The following MYPN variants were observed in gnomAD, a reference collection of about 807,000 sequenced individuals.
MYPN encodes the protein myopalladin, also known as sarcomeric protein myopalladin, 145 kDa (MYOP).
In MYPN, 63 loss-of-function variants were observed where a neutral mutation model predicts 129.4. The ratio of observed to expected loss-of-function variants is 0.49; its 90% CI spans 0.40 to 0.60. MYPN has a LOEUF of 0.60. Ranked by LOEUF, MYPN falls within the 20% of genes least tolerant of loss-of-function variation. MYPN has a pLI of 0.00. For missense variants in MYPN, 1,596 were observed against 1,635.4 expected (o/e 0.98, Z 0.42); for synonymous variants, 629 against 600.9 (o/e 1.05, Z -0.68).
chr10:68,210,570 C>A lies in MYPN; in HGVS notation c.*115C>A. 1 of 1,258,962 alleles carries A rather than the reference C, an allele frequency of 7.9e-7. No individual in the cohort carries two copies. Among genetic ancestry groups the A allele is most frequent in the Non-Finnish European group, 1.1e-6 (1 of 871,160 alleles). 78.0% of individuals were successfully genotyped at this position (1,258,962 alleles called of 1,614,324 possible). On this transcript the variant is annotated 3_prime_UTR_variant, in exon 20 of 20. Transcript: ENST00000358913. Reference sequence around the variant, plus strand: ...TGAGTAAGTTCCCACACTGCTGGACCTGTGGCAAAGAGTGCTTTGAATAAG... The same window carrying A: ...TGAGTAAGTTCCCACACTGCTGGACATGTGGCAAAGAGTGCTTTGAATAAG...
chr10:68,096,023 A>G (rs1173962526), intron 1 of MYPN, among the ~76,000 whole-genome samples: 4 of 152,256 alleles, frequency 2.6e-5, no homozygotes, highest in African/African-American at 9.6e-5. Context: ...ACAAAATTGA[A>G]ATAGAATAGA....
intron 6 of MYPN, among the ~76,000 whole-genome samples, chr10:68,156,583 T>C (rs1393792427): frequency 6.6e-6 from 1 of 152,164 alleles, no homozygotes; most frequent in Non-Finnish European, 1.5e-5. Flanking sequence ...GCTGTCACAA[T>C]ATCAATGCAT....
intron 1 of MYPN, among the ~76,000 whole-genome samples, chr10:68,093,246 G>A (rs545316120): frequency 6.6e-6 from 1 of 152,080 alleles, no homozygotes; most frequent in South Asian, 2.1e-4. Flanking sequence ...AGAAACCAGT[G>A]CTTTTGACCT....
intron 2 of MYPN, chr10:68,136,684 C>A: frequency 6.5e-7 from 1 of 1,535,282 alleles, no homozygotes; most frequent in South Asian, 1.2e-5. Flanking sequence ...TTCCACTTAT[C>A]TCCTTCTGGC....
chr10:68,168,534 G>A (rs2043088981), intron 10 of MYPN, among the ~76,000 whole-genome samples: 1 of 152,214 alleles, frequency 6.6e-6, no homozygotes, highest in Non-Finnish European at 1.5e-5. Flanking sequence ...CAGTCAGGTT[G>A]CGGTTTGGTT....
At chr10:68,155,336 G>A (rs773348060) in intron 6 of MYPN, among the ~76,000 whole-genome samples, 3 of 152,192 alleles carry the variant, frequency 2.0e-5, no homozygotes, top group Non-Finnish European at 4.4e-5. Flanking sequence ...AAGAAGACAA[G>A]CTTCCCAAGT....
In MYPN at chr10:68,121,991, CT is replaced by C; in HGVS notation, c.554del (p.Leu185ArgfsTer40). The C allele has an allele frequency of 6.2e-7, 1 of 1,614,196 alleles. No homozygotes were observed. The highest frequency in any genetic ancestry group is 8.5e-7 in the Non-Finnish European group (1 of 1,180,036). On this transcript the variant is annotated frameshift_variant, in exon 2 of 20. Coordinates refer to ENST00000358913, the MANE Select transcript of MYPN (RefSeq NM_032578.4). LOFTEE classifies it high-confidence loss of function. The part of the protein sequence containing the change: ...PRACKNHKSK[L>X]ESQNKVMQEN... ...TGCCTGCAAAAACCACAAGAGTAAA[CT>C]GGAATCTCAAAACAAAGTTATGCAG...
intron 2 of MYPN, among the ~76,000 whole-genome samples, chr10:68,133,668 G>A (rs537918908): frequency 6.6e-6 from 1 of 151,978 alleles, no homozygotes; most frequent in Non-Finnish European, 1.5e-5. Flanking sequence ...ATAAGCGAGA[G>A]GGGGCCCAGG....
chr10:68,124,144 T>C (rs990583206), intron 2 of MYPN, among the ~76,000 whole-genome samples: 1 of 152,216 alleles, frequency 6.6e-6, no homozygotes, highest in Non-Finnish European at 1.5e-5. Context: ...AAGTTTATTT[T>C]ACTTTTTAAA....
At chr10:68,201,001 T>C (rs1053208013) in intron 17 of MYPN, among the ~76,000 whole-genome samples, 4 of 152,304 alleles carry the variant, frequency 2.6e-5, no homozygotes, top group African/African-American at 7.2e-5. Flanking sequence ...CCTAAATTTG[T>C]CCTGGCCAAA....
chr10:68,194,106 T>G (rs1325069775), intron 13 of MYPN, among the ~76,000 whole-genome samples: 1 of 152,178 alleles, frequency 6.6e-6, no homozygotes, highest in Non-Finnish European at 1.5e-5. Context: ...AGTCAAAAGC[T>G]TCATCTTAGT....
At position 68,211,173 on chromosome 10, in the gene MYPN, T is replaced by G; in HGVS notation, c.*718T>G. The G allele has an allele frequency of 2.2e-6, 1 of 454,010 alleles. No homozygotes were observed. The highest frequency in any genetic ancestry group is 4.4e-6 in the Non-Finnish European group (1 of 226,742). The allele number at this position is 454,010 out of a possible 1,614,324, so 28.1% of individuals were successfully genotyped here. A position where few individuals can be genotyped will look rare whatever the true frequency, so the allele number is the denominator to read the frequency against. On this transcript the variant is annotated 3_prime_UTR_variant, in exon 20 of 20. Coordinates refer to ENST00000358913, the MANE Select transcript of MYPN (RefSeq NM_032578.4). ...ACTATTTTCTTTTGGGTGGTGACTG[T>G]TTTTTTCTGACTTTGCATATCCCTA... is the stretch of plus-strand genomic sequence containing the variant.
At chr10:68,088,526 A>C (rs1003060812) in intron 1 of MYPN, among the ~76,000 whole-genome samples, 4 of 151,990 alleles carry the variant, frequency 2.6e-5, no homozygotes, top group African/African-American at 9.7e-5. Flanking sequence ...CACATGAATA[A>C]CTCCCAGTCA....
At chr10:68,175,995 A>C (rs2043222212) in intron 12 of MYPN, among the ~76,000 whole-genome samples, 1 of 152,112 alleles carries the variant, frequency 6.6e-6, no homozygotes, top group African/African-American at 2.4e-5. Flanking sequence ...CTCCTGCCTC[A>C]GCCTTCCAAA....
Position 68,210,311 on chromosome 10 carries a change from G to T in MYPN, c.3819G>T (p.Pro1273=). 6.2e-7 allele frequency: 1 copy of T among 1,613,734 alleles called. No homozygotes were observed. Residue 1273 remains proline (P), a synonymous_variant, in exon 20 of 20, where the codon CCG becomes CCT. Coordinates refer to ENST00000358913, the MANE Select transcript of MYPN (RefSeq NM_032578.4). ...CTCAGTGGCACCATCAGATCCCACCGCCCATGTCTGTCCGGCCCAGTGGCA... is the reference window on the plus strand; with the variant it reads ...CTCAGTGGCACCATCAGATCCCACCTCCCATGTCTGTCCGGCCCAGTGGCA... ...IYAQWHHQIP[P]PMSVRPSGSR...
chr10:68,123,672 C>T (rs1192755568), intron 2 of MYPN, among the ~76,000 whole-genome samples: 4 of 146,576 alleles, frequency 2.7e-5, no homozygotes, highest in South Asian at 2.2e-4. Flanking sequence ...GGCGACAGAG[C>T]GAGACTCCTT....
At chr10:68,132,306 G>GT (rs2042423582) in intron 2 of MYPN, among the ~76,000 whole-genome samples, 5 of 152,060 alleles carry the variant, frequency 3.3e-5, no homozygotes, top group Admixed American at 3.3e-4. Flanking sequence ...ATTTTATAAT[G>GT]TTAAACCAAT....
intron 2 of MYPN, among the ~76,000 whole-genome samples, chr10:68,131,388 CAA>C (rs1356877581): frequency 1.4e-4 from 16 of 112,790 alleles, no homozygotes; most frequent in Admixed American, 1.9e-4. Context: ...GACTGTGTCT[CAA>C]AAAAAAAAAA....
chr10:68,117,793 AATT>A (rs1026289548), intron 1 of MYPN, among the ~76,000 whole-genome samples: 1 of 150,394 alleles, frequency 6.6e-6, no homozygotes, highest in African/African-American at 2.4e-5. Flanking sequence ...TAATAATAAT[AATT>A]ATTATTATTA....
Sources: gnomAD v4.1 joint callset for allele counts (sites outside exome capture counted in the v4.1 genomes callset) on GRCh38, gnomAD v4.1.1 for gene constraint, MANE v1.5 for transcripts, NCBI Gene and HGNC (gene_info 2026-07-23, HGNC 2026-07-21) for gene names.